The following WDR54 variants were observed in gnomAD, a reference collection of about 807,000 sequenced individuals.
WDR54 encodes the protein WD repeat-containing protein 54.
In WDR54, 44 loss-of-function variants were observed where a neutral mutation model predicts 44.1. The observed-to-expected ratio is 1.00, with a 90% CI of 0.78 to 1.28. The LOEUF (loss-of-function observed/expected upper bound fraction) is 1.28, where lower values mean the gene tolerates loss of function less well. Ranked by LOEUF, WDR54 falls within the 50% of genes most tolerant of loss-of-function variation. The pLI is 0.00. For synonymous variants in WDR54, 169 were observed against 169.8 expected, an observed-to-expected ratio of 1.00 and a Z score of 0.04; for missense variants, 409 against 429.7, an observed-to-expected ratio of 0.95 and a Z score of 0.43.
chr2:74,423,216 ATTTGT>A lies in WDR54; in HGVS notation c.286-98_286-94del, dbSNP rs1223193949. On this transcript the variant is annotated intron_variant, in intron 3 of 9. Coordinates refer to ENST00000348227, the MANE Select transcript of WDR54 (RefSeq NM_032118.4). ...GATAAAAATAGTACCTACATCCCAG[ATTTGT>A]TTTGAGGATTAAATGGGCTAAGGCT... The A allele has an allele frequency of 1.2e-5, 16 of 1,358,098 alleles. No homozygotes were observed. The African/African-American group carries it at 2.0e-4, about 17-fold the overall frequency. The allele number at this position is 1,358,098 out of a possible 1,614,324, so 84.1% of individuals were successfully genotyped here. A position where few individuals can be genotyped will look rare whatever the true frequency, so the allele number is the denominator to read the frequency against.
chr2:74,423,348 C>T lies in WDR54; in HGVS notation c.315C>T (p.Val105=). ...QMYESNGYTM[V]YWHALDSGDA... ...ACGAGTCCAATGGCTACACCATGGT[C>T]TACTGGCATGCACTGGACTCTGGAG... Residue 105 remains valine (V), a synonymous_variant, in exon 4 of 10, where the codon GTC becomes GTT. Transcript: ENST00000348227. 6.2e-7 allele frequency: 1 copy of T among 1,614,064 alleles called. No individual in the cohort carries two copies. The highest frequency in any genetic ancestry group is 8.5e-7 in the Non-Finnish European group (1 of 1,180,048).
rs1240220897 is a variant in WDR54 at position 74,423,304 on chromosome 2, G to A, written c.286-15G>A. ...AGTTGGGTTATGCCCCCTGGTTCTTGCCCCGGTCTTCCAGATGTACGAGTC... is the reference window on the plus strand; with the variant it reads ...AGTTGGGTTATGCCCCCTGGTTCTTACCCCGGTCTTCCAGATGTACGAGTC... On this transcript the variant is annotated splice_polypyrimidine_tract_variant and intron_variant, in intron 3 of 9. Coordinates refer to ENST00000348227, the MANE Select transcript of WDR54 (RefSeq NM_032118.4). 6.2e-7 allele frequency: 1 copy of A among 1,613,016 alleles called. No individual in the cohort carries two copies. The highest frequency in any genetic ancestry group is 8.5e-7 in the Non-Finnish European group (1 of 1,180,026).
At chr2:74,423,107 A>G (rs1040823020) in intron 3 of WDR54, 175 bp downstream of exon 3, 8 of 837,914 alleles carry the variant, frequency 9.5e-6, no homozygotes, top group Non-Finnish European at 1.6e-5. Flanking sequence ...TCCAAGTGCC[A>G]CCTCCAGTAT....
rs1211393902 is a variant in WDR54 at position 74,424,869 on chromosome 2, C to T, written c.535-6C>T. 2 of 1,614,010 alleles carry T rather than the reference C, an allele frequency of 1.2e-6. No individual in the cohort carries two copies. The highest frequency in any genetic ancestry group is 1.7e-6 in the Non-Finnish European group (2 of 1,180,028). On this transcript the variant is annotated splice_region_variant and splice_polypyrimidine_tract_variant and intron_variant, in intron 6 of 9. Transcript: ENST00000348227. Reference sequence around the variant, plus strand: ...AGGGAAGGGTTGATCTTGCCTTTCCCTTCAGGATTGTGTGGCTGACATGGT... The same window carrying T: ...AGGGAAGGGTTGATCTTGCCTTTCCTTTCAGGATTGTGTGGCTGACATGGT...
intron 6 of WDR54, 139 bp downstream of exon 6, chr2:74,424,121 G>A (rs551391602): frequency 2.1e-4 from 211 of 1,006,658 alleles, no homozygotes; most frequent in South Asian, 3.3e-4. Context: ...CAGCAACCAG[G>A]TTCAGTGATA....
rs147741864 is a variant in WDR54, at chr2:74,424,580, T to C, written c.535-295T>C. Among the ~76,000 whole-genome samples, 120 of 152,264 alleles carry C rather than the reference T, an allele frequency of 7.9e-4. 1 individual carries two copies. The highest frequency in any genetic ancestry group is 2.7e-3 in the African/African-American group (111 of 41,538). ...GGTTCACTACGAGACCTCCAGAAGGTCACGACACTGTGGCCTCAGTTTTAT... is the reference window on the plus strand; with the variant it reads ...GGTTCACTACGAGACCTCCAGAAGGCCACGACACTGTGGCCTCAGTTTTAT... On this transcript the variant is annotated intron_variant, in intron 6 of 9. Transcript: ENST00000348227.
In WDR54 at chr2:74,422,334, G is replaced by C. The variant is rs147527356; in HGVS notation, c.181G>C (p.Ala61Pro). ...GCCCTTGGCCCAGCGCCAGCTCCAC[G>C]CTAAGGAGGGTGCTGGAGTGAGTCC... ...GVPLAQRQLH[A>P]KEGAGVSPPL... The change falls in exon 2 of 10, where the codon GCT becomes CCT. Residue 61 changes from alanine (A) to proline (P), a missense_variant. Transcript: ENST00000348227. 6.2e-7 allele frequency: 1 copy of C among 1,614,140 alleles called. No homozygotes were observed. The highest frequency in any genetic ancestry group is 8.5e-7 in the Non-Finnish European group (1 of 1,180,010).
intron 6 of WDR54, 111 bp from the exon 7 acceptor site, chr2:74,424,764 C>T (rs775354670): frequency 4.8e-5 from 65 of 1,363,956 alleles, no homozygotes; most frequent in Non-Finnish European, 6.8e-5. Flanking sequence ...CACACCTTGC[C>T]CTTTCCCTGG....
intron 1 of WDR54, 93 bp from the exon 2 acceptor site, chr2:74,422,060 C>CCT: frequency 7.6e-7 from 1 of 1,322,122 alleles, no homozygotes; most frequent in Non-Finnish European, 1.1e-6. Flanking sequence ...CAGTCTCAGG[C>CCT]ATCTTCCGAA....
intron 7 of WDR54, 47 bp downstream of exon 7, chr2:74,425,022 C>T: frequency 6.2e-7 from 1 of 1,614,058 alleles, no homozygotes; most frequent in Non-Finnish European, 8.5e-7. Context: ...TAGCTTCAGG[C>T]TGGGGAGTAG....
rs116744245 is a variant in WDR54 at position 74,425,081 on chromosome 2, G to T, written c.642G>T (p.Pro214=). Residue 214 remains proline, a synonymous_variant, in exon 8 of 10, where the codon CCG becomes CCT. Coordinates refer to ENST00000348227, the MANE Select transcript of WDR54 (RefSeq NM_032118.4). ...LLTRIPGFGV[P]CPSVQLWQGI... is the part of the protein sequence containing the mutation. The stretch of plus-strand genomic sequence containing the variant: ...TTGGGTGTCACCCTTGCAGAGTTCC[G>T]TGCCCCTCTGTGCAGCTGTGGCAGG... 1 of 1,602,542 alleles carries T rather than the reference G, an allele frequency of 6.2e-7. No homozygotes were observed. Among genetic ancestry groups the T allele is most frequent in the South Asian group, 1.1e-5 (1 of 89,988 alleles).
rs1455659728 is a variant in WDR54 at position 74,425,480 on chromosome 2, G to A, written c.862G>A (p.Gly288Ser). The change falls in exon 9 of 10, where the codon GGC becomes AGC. Residue 288 changes from glycine (G) to serine (S), a missense_variant. By Grantham distance (56) the Gly-to-Ser change is moderately conservative. Transcript: ENST00000348227. ...IWKLSRNPESGYIEVEHCHGE... is the reference protein window; with the variant it reads ...IWKLSRNPESSYIEVEHCHGE... ...GAAGCTGAGCAGAAACCCAGAGAGTGGCTACATTGAGGTATGTGTCATGGG... is the reference window on the plus strand; with the variant it reads ...GAAGCTGAGCAGAAACCCAGAGAGTAGCTACATTGAGGTATGTGTCATGGG... 2 of 1,614,228 alleles carry A rather than the reference G, an allele frequency of 1.2e-6. No homozygotes were observed. Among genetic ancestry groups the A allele is most frequent in the Non-Finnish European group, 8.5e-7 (1 of 1,180,040 alleles).
At position 74,421,825 on chromosome 2, in the gene WDR54, T is replaced by A; in HGVS notation, c.-2+9T>A. 1 of 668,348 alleles carries A rather than the reference T, an allele frequency of 1.5e-6. No individual in the cohort carries two copies. Among genetic ancestry groups the A allele is most frequent in the Non-Finnish European group, 2.7e-6 (1 of 364,776 alleles). The allele number at this position is 668,348 out of a possible 1,614,324, so 41.4% of individuals were successfully genotyped here. ...CCGATCTGGGGCTGCAGGTGTTACC[T>A]CTGATCTAGGCCGGGGGCTTCAGGG... On this transcript the variant is annotated intron_variant, in intron 1 of 9. Coordinates refer to ENST00000348227, the MANE Select transcript of WDR54 (RefSeq NM_032118.4).
chr2:74,424,588 C>A (rs916466512), intron 6 of WDR54, among the ~76,000 whole-genome samples: 1 of 152,210 alleles, frequency 6.6e-6, no homozygotes, highest in Admixed American at 6.5e-5. Flanking sequence ...GGTCACGACA[C>A]TGTGGCCTCA....
chr2:74,424,779 G>T, intron 6 of WDR54, 96 bp from the exon 7 acceptor site: 1 of 1,499,672 alleles, frequency 6.7e-7, no homozygotes, highest in Non-Finnish European at 9.3e-7. Context: ...CCCTGGAGAG[G>T]CAAAGATGCA....
chr2:74,424,870 T>G lies in WDR54; in HGVS notation c.535-5T>G. ...GGGAAGGGTTGATCTTGCCTTTCCC[T>G]TCAGGATTGTGTGGCTGACATGGTG... On this transcript the variant is annotated splice_region_variant and splice_polypyrimidine_tract_variant and intron_variant, in intron 6 of 9. Transcript: ENST00000348227. 2 of 1,614,154 alleles carry G rather than the reference T, an allele frequency of 1.2e-6. No homozygotes were observed. Among genetic ancestry groups the G allele is most frequent in the Middle Eastern group, 1.6e-4 (1 of 6,062 alleles).
chr2:74,423,265 A>C, intron 3 of WDR54, 54 bp from the exon 4 acceptor site: 1 of 1,585,022 alleles, frequency 6.3e-7, no homozygotes, highest in Non-Finnish European at 8.7e-7. Context: ...TATGTGAAGT[A>C]CTCAGCAGAG....
rs1308298940 is a variant in WDR54, at chr2:74,422,349, G to A, written c.196G>A (p.Gly66Arg). ...QRQLHAKEGA[G>R]VSPPLITQVH... ...CCAGCTCCACGCTAAGGAGGGTGCT[G>A]GAGTGAGTCCCCCACTTATCACTCA... is the stretch of plus-strand genomic sequence containing the variant. The change falls in exon 2 of 10, where the codon GGA becomes AGA. Residue 66 changes from glycine (G) to arginine (R), a missense_variant. Transcript: ENST00000348227. 3 of 1,613,804 alleles carry A rather than the reference G, an allele frequency of 1.9e-6. No individual in the cohort carries two copies. The highest frequency in any genetic ancestry group is 4.5e-5 in the East Asian group (2 of 44,880).
chr2:74,422,065 TCCGAA>T (rs1676643561), intron 1 of WDR54, 83 bp from the exon 2 acceptor site: 1 of 1,393,564 alleles, frequency 7.2e-7, no homozygotes, highest in Non-Finnish European at 1.0e-6. Flanking sequence ...TCAGGCATCT[TCCGAA>T]ATGCTCGATG....
Sources: allele counts gnomAD v4.1 joint callset (sites outside exome capture counted in the v4.1 genomes callset), GRCh38; gene constraint gnomAD v4.1.1; transcripts MANE v1.5; gene names NCBI Gene and HGNC (gene_info 2026-07-23, HGNC 2026-07-21).